The following SCHIP1 variants were observed in gnomAD, a reference collection of about 807,000 sequenced individuals.
SCHIP1 encodes schwannomin interacting protein 1, also known as schwannomin-interacting protein 1.
Under a neutral mutation model 29.7 loss-of-function variants are expected in SCHIP1, and 8 were observed. The ratio of observed to expected loss-of-function variants is 0.27; its 90% confidence interval spans 0.16 to 0.49. The LOEUF is 0.49. Ranked by LOEUF, SCHIP1 falls within the 20% of genes least tolerant of loss-of-function variation. The probability of loss-of-function intolerance (pLI) is 0.99; values close to 1 mark genes in which losing one functional copy is unlikely to be tolerated. For missense variants in SCHIP1, 193 were observed against 294.6 expected (o/e 0.66, Z 2.52); for synonymous variants, 76 against 94.9 (o/e 0.80, Z 1.16).
chr3:159,628,420 G>A, the SCHIP1 span, among the ~76,000 whole-genome samples: 1 of 152,210 alleles, frequency 6.6e-6, no homozygotes, highest in Admixed American at 6.5e-5. Context: ...CCAAGAACTA[G>A]GACCAAGAGA....
the SCHIP1 span, among the ~76,000 whole-genome samples, chr3:159,831,405 A>G: frequency 1.3e-5 from 2 of 152,172 alleles, no homozygotes; most frequent in African/African-American, 2.4e-5. Flanking sequence ...TGCCAGGGAT[A>G]CTTTCCAGGA....
chr3:159,540,969 A>G, the SCHIP1 span, among the ~76,000 whole-genome samples: 3 of 152,116 alleles, frequency 2.0e-5, no homozygotes, highest in Non-Finnish European at 4.4e-5. Flanking sequence ...ACACTAACCC[A>G]TCAAAACAAG....
At chr3:159,625,551 C>T in the SCHIP1 span, among the ~76,000 whole-genome samples, 3 of 152,090 alleles carry the variant, frequency 2.0e-5, no homozygotes, top group African/African-American at 7.2e-5. Flanking sequence ...TTATTTCCCT[C>T]CTACCTAATG....
chr3:159,531,552 C>T, the SCHIP1 span, among the ~76,000 whole-genome samples: 3 of 152,110 alleles, frequency 2.0e-5, no homozygotes, highest in Admixed American at 1.3e-4. Context: ...TACAAGATAC[C>T]GTACCTACAA....
At chr3:159,502,483 T>A in the SCHIP1 span, among the ~76,000 whole-genome samples, 644 of 149,250 alleles carry the variant, frequency 4.3e-3, 3 homozygotes, top group African/African-American at 0.013. Context: ...TTTCTTTTTT[T>A]AAAAATTTTA....
the SCHIP1 span, among the ~76,000 whole-genome samples, chr3:159,432,953 G>A: frequency 6.6e-6 from 1 of 152,166 alleles, no homozygotes; most frequent in East Asian, 1.9e-4. Flanking sequence ...GACCTCCCTT[G>A]TCCAGCTGCT....
At chr3:159,366,638 G>T in the SCHIP1 span, among the ~76,000 whole-genome samples, 1 of 152,100 alleles carries the variant, frequency 6.6e-6, no homozygotes, top group African/African-American at 2.4e-5. Flanking sequence ...TGTCCCTCCA[G>T]GCTTAATCAT....
At chr3:159,336,840 C>A in the SCHIP1 span, among the ~76,000 whole-genome samples, 2 of 152,040 alleles carry the variant, frequency 1.3e-5, no homozygotes, top group Non-Finnish European at 2.9e-5. Context: ...TTTTTTGATT[C>A]CATGTGAACT....
At chr3:159,484,972 A>G in the SCHIP1 span, among the ~76,000 whole-genome samples, 2 of 152,162 alleles carry the variant, frequency 1.3e-5, no homozygotes, top group African/African-American at 4.8e-5. Flanking sequence ...CATTCAGGAC[A>G]TGGATAGTAA....
the SCHIP1 span, among the ~76,000 whole-genome samples, chr3:159,458,940 T>A: frequency 6.6e-6 from 1 of 152,218 alleles, no homozygotes; most frequent in Non-Finnish European, 1.5e-5. Context: ...TTATTCTTAA[T>A]GCAGTTTAAC....
the SCHIP1 span, among the ~76,000 whole-genome samples, chr3:159,355,255 G>A: frequency 1.3e-5 from 2 of 152,110 alleles, no homozygotes; most frequent in East Asian, 3.9e-4. Flanking sequence ...CCAAAAAAGA[G>A]TTTAAAGAAA....
At chr3:159,306,602 A>G in the SCHIP1 span, 13 of 921,272 alleles carry the variant, frequency 1.4e-5, no homozygotes, top group African/African-American at 1.8e-5. Context: ...AAAAAAATAT[A>G]CAAACACCTC....
intron 1 of SCHIP1, among the ~76,000 whole-genome samples, chr3:159,850,558 A>AGG (rs577519723): frequency 6.9e-6 from 1 of 145,676 alleles, no homozygotes; most frequent in Non-Finnish European, 1.5e-5. Context: ...AAAAAAAAAA[A>AGG]AAAAAAAAGG....
the SCHIP1 span, among the ~76,000 whole-genome samples, chr3:159,461,536 A>G: frequency 6.6e-6 from 1 of 152,004 alleles, no homozygotes; most frequent in Non-Finnish European, 1.5e-5. Context: ...AAACACAAAT[A>G]TACAGGAAAA....
chr3:159,457,641 A>C, the SCHIP1 span, among the ~76,000 whole-genome samples: 127 of 152,238 alleles, frequency 8.3e-4, 1 homozygote, highest in African/African-American at 3.0e-3. Flanking sequence ...TGACATATCA[A>C]AGAGAAATAT....
At chr3:159,673,780 A>AAAC in the SCHIP1 span, among the ~76,000 whole-genome samples, 6,390 of 152,224 alleles carry the variant, frequency 0.042, 224 homozygotes, top group African/African-American at 0.094. Context: ...TTAATATTAA[A>AAAC]AACAACAACA....
At chr3:159,706,581 C>A in the SCHIP1 span, among the ~76,000 whole-genome samples, 9 of 152,204 alleles carry the variant, frequency 5.9e-5, no homozygotes, top group East Asian at 1.9e-4. Context: ...GAGGGGCACA[C>A]ATTCAGGAGA....
chr3:159,714,485 C>T, the SCHIP1 span, among the ~76,000 whole-genome samples: 1 of 152,202 alleles, frequency 6.6e-6, no homozygotes, highest in African/African-American at 2.4e-5. Context: ...CGGGGAATTC[C>T]CTTTCGTAGC....
At chr3:159,549,278 G>A in the SCHIP1 span, among the ~76,000 whole-genome samples, 2 of 152,028 alleles carry the variant, frequency 1.3e-5, no homozygotes, top group South Asian at 2.1e-4. Context: ...CCTTAACTCC[G>A]TTCTCTGATT....
Sources: allele counts gnomAD v4.1 joint callset (sites outside exome capture counted in the v4.1 genomes callset), GRCh38; gene constraint gnomAD v4.1.1; transcripts MANE v1.5; gene names NCBI Gene and HGNC (gene_info 2026-07-23, HGNC 2026-07-21).